The following SSH3 variants were observed in gnomAD, a reference collection of about 807,000 sequenced individuals.
SSH3 encodes protein phosphatase Slingshot homolog 3.
Under a neutral mutation model 75.0 loss-of-function variants are expected in SSH3, and 67 were observed. That is an observed-to-expected ratio of 0.89 (90% CI 0.73 to 1.10). The LOEUF (loss-of-function observed/expected upper bound fraction) is 1.10. SSH3 is among the 50% of genes least tolerant of loss of function. The probability of loss-of-function intolerance (pLI) is 0.00; values close to 1 mark genes in which losing one functional copy is unlikely to be tolerated. For missense variants in SSH3, 824 were observed against 872.7 expected (o/e 0.94, Z 0.70); for synonymous variants, 318 against 349.2 (o/e 0.91, Z 1.00).
chr11:67,311,539 C>A, intron 13 of SSH3, 52 bp from the exon 14 acceptor site: 1 of 1,605,266 alleles, frequency 6.2e-7, no homozygotes. Flanking sequence ...TGCTTGGGCA[C>A]CCCTGCCCCA....
chr11:67,305,839 C>T (rs768832376), intron 3 of SSH3, among the ~76,000 whole-genome samples: 4 of 152,138 alleles, frequency 2.6e-5, no homozygotes, highest in Non-Finnish European at 2.9e-5. Flanking sequence ...CTCAGCAAGA[C>T]GTGGCAAACA....
Position 67,306,888 on chromosome 11 carries a change from A to C in SSH3, c.390A>C (p.Val130=). The change falls in exon 4 of 14, where the codon GTA becomes GTC. Residue 130 remains valine, a synonymous_variant. Coordinates refer to ENST00000308127, the MANE Select transcript of SSH3 (RefSeq NM_017857.4). ...PRPPRLRYLL[V]VSTREGEGLS... is the part of the protein sequence containing the mutation. The stretch of plus-strand genomic sequence containing the variant: ...CTCCCCGGCTCCGCTACCTGCTGGT[A>C]GTTTCTACACGAGAAGGAGAAGGTC... The C allele has an allele frequency of 6.2e-7, 1 of 1,613,640 alleles. No individual in the cohort carries two copies. Among genetic ancestry groups the C allele is most frequent in the Non-Finnish European group, 8.5e-7 (1 of 1,179,682 alleles).
chr11:67,305,411 A>G (rs1281401668), intron 3 of SSH3, among the ~76,000 whole-genome samples: 1 of 151,986 alleles, frequency 6.6e-6, no homozygotes, highest in Non-Finnish European at 1.5e-5. Flanking sequence ...GGTGGTCTCA[A>G]TCTCCTGACC....
chr11:67,306,579 C>T lies in SSH3; in HGVS notation c.340-259C>T, dbSNP rs147679443. The stretch of plus-strand genomic sequence containing the variant: ...TGGTGCCACTGTACTCCAGCCTGGG[C>T]GACAGAGTGAGACCCTATCTCAAAA... On this transcript the variant is annotated intron_variant, in intron 3 of 13. Coordinates refer to ENST00000308127, the MANE Select transcript of SSH3 (RefSeq NM_017857.4). Among the ~76,000 whole-genome samples the T allele has an allele frequency of 3.4e-3, 521 of 152,220 alleles. 3 individuals carry two copies. Among genetic ancestry groups the T allele is most frequent in the African/African-American group, 0.012 (491 of 41,516 alleles).
chr11:67,309,292 C>T, intron 10 of SSH3, 105 bp from the exon 11 acceptor site: 1 of 1,434,848 alleles, frequency 7.0e-7, no homozygotes, highest in Non-Finnish European at 9.6e-7. Flanking sequence ...CTCCATCTGA[C>T]TTGAAACTCA....
At position 67,309,388 on chromosome 11, in the gene SSH3, C is replaced by T. The variant is rs776220995; in HGVS notation, c.1062-9C>T. The T allele has an allele frequency of 1.9e-6, 3 of 1,614,150 alleles. No individual in the cohort carries two copies. On this transcript the variant is annotated splice_polypyrimidine_tract_variant and intron_variant, in intron 10 of 13. Coordinates refer to ENST00000308127, the MANE Select transcript of SSH3 (RefSeq NM_017857.4). ...CCACATCAGCCTGGCCTTGGGCCCT[C>T]TGGGACAGGGTCACCCACATCTTGA...
Position 67,309,868 on chromosome 11 carries a change from G to C in SSH3, c.1309G>C (p.Glu437Gln). The C allele has an allele frequency of 1.2e-6, 2 of 1,612,874 alleles. No individual in the cohort carries two copies. ...CATGAAGCAGTACGAATGCAGCCTG[G>C]AGCAGGCCCTGCGCCACGTGCAGGA... ...YAMKQYECSL[E>Q]QALRHVQELR... Residue 437 changes from glutamate to glutamine, a missense_variant, in exon 12 of 14, where the codon GAG (glutamate) becomes CAG (glutamine). Transcript: ENST00000308127.
In SSH3 at chr11:67,307,922, AG is replaced by A; in HGVS notation, c.869del (p.Ser290MetfsTer70). On this transcript the variant is annotated frameshift_variant, in exon 8 of 14. Coordinates refer to ENST00000308127, the MANE Select transcript of SSH3 (RefSeq NM_017857.4). The surrounding 1 kb of genome is among the most constrained non-coding windows in gnomAD (Gnocchi z 4.2). ...WKVLDVSDLESVTSKEIRQAL... is the reference protein window; with the variant it reads ...WKVLDVSDLEXVTSKEIRQAL... ...AGTGTTGGATGTCAGTGACCTGGAG[AG>A]TGTCACTTCCAAAGAGGTGGGCAGG... 6.2e-7 allele frequency: 1 copy of A among 1,614,144 alleles called. No individual in the cohort carries two copies. Among genetic ancestry groups the A allele is most frequent in the Non-Finnish European group, 8.5e-7 (1 of 1,180,010 alleles).
chr11:67,310,032 C>G lies in SSH3; in HGVS notation c.1410-34C>G, dbSNP rs756527757. 6.8e-6 allele frequency: 11 copies of G among 1,609,682 alleles called. No individual in the cohort carries two copies. The East Asian group carries it at 2.2e-4, about 33-fold the overall frequency. On this transcript the variant is annotated intron_variant, in intron 12 of 13. Transcript: ENST00000308127. Reference sequence around the variant, plus strand: ...GGTTTGCTGGGGGTGGCTGCTGGGTCACTCAGAGCTGACTCAGGGCCACCT... The same window carrying G: ...GGTTTGCTGGGGGTGGCTGCTGGGTGACTCAGAGCTGACTCAGGGCCACCT...
chr11:67,308,089 G>C lies in SSH3; in HGVS notation c.886-85G>C, dbSNP rs887663350. ...CTAATCCATCTAGATGGGATAGGGT[G>C]CTGTCCTCAGAGGTCCCAGAGGGAA... On this transcript the variant is annotated intron_variant, in intron 8 of 13. Coordinates refer to ENST00000308127, the MANE Select transcript of SSH3 (RefSeq NM_017857.4). This position sits in a 1 kb window ranked among gnomAD's most constrained non-coding sequence, Gnocchi z 4.9. The C allele has an allele frequency of 1.2e-5, 19 of 1,586,436 alleles. No individual in the cohort carries two copies. The highest frequency in any genetic ancestry group is 1.5e-5 in the Non-Finnish European group (18 of 1,166,742).
chr11:67,307,996 T>C lies in SSH3; in HGVS notation c.885+57T>C. On this transcript the variant is annotated intron_variant, in intron 8 of 13. Coordinates refer to ENST00000308127, the MANE Select transcript of SSH3 (RefSeq NM_017857.4). This position sits in a 1 kb window ranked among gnomAD's most constrained non-coding sequence, Gnocchi z 4.2. Reference sequence around the variant, plus strand: ...CTAGCAGGGGCTGCAAGCTTGCCTTTCCTGGGAGCCCTCCCCACCTTGCCT... The same window carrying C: ...CTAGCAGGGGCTGCAAGCTTGCCTTCCCTGGGAGCCCTCCCCACCTTGCCT... 1 of 1,609,196 alleles carries C rather than the reference T, an allele frequency of 6.2e-7. No individual in the cohort carries two copies. The highest frequency in any genetic ancestry group is 8.5e-7 in the Non-Finnish European group (1 of 1,177,246).
At position 67,304,161 on chromosome 11, in the gene SSH3, C is replaced by A. The variant is rs1565087222; in HGVS notation, c.104+6C>A. 2.5e-6 allele frequency: 4 copies of A among 1,593,036 alleles called. No individual in the cohort carries two copies. The highest frequency in any genetic ancestry group is 3.4e-6 in the Non-Finnish European group (4 of 1,171,106). On this transcript the variant is annotated splice_donor_region_variant and intron_variant, in intron 2 of 13. Coordinates refer to ENST00000308127, the MANE Select transcript of SSH3 (RefSeq NM_017857.4). ...AGGAGTCGACTCCAGCGAAGGTGAGCGCCACCTCCCCCACGCAGACACTTC... is the reference window on the plus strand; with the variant it reads ...AGGAGTCGACTCCAGCGAAGGTGAGAGCCACCTCCCCCACGCAGACACTTC...
In SSH3 at chr11:67,310,067, C is replaced by T. The variant is rs368584264; in HGVS notation, c.1411C>T (p.Arg471Cys). 8.7e-6 allele frequency: 14 copies of T among 1,612,682 alleles called. No individual in the cohort carries two copies. Among genetic ancestry groups the T allele is most frequent in the African/African-American group, 1.3e-5 (1 of 75,042 alleles). ...QIYQGILTAS[R>C]QSHVWEQKVG... ...TGACTCAGGGCCACCTCCTCACAGC[C>T]GCCAGAGCCATGTCTGGGAGCAGAA... is the stretch of plus-strand genomic sequence containing the variant. The change falls in exon 13 of 14, where the codon CGC becomes TGC. Residue 471 changes from arginine to cysteine, a missense_variant and splice_region_variant. Transcript: ENST00000308127.
chr11:67,310,358 G>A lies in SSH3; in HGVS notation c.1683+19G>A, dbSNP rs1373277323. On this transcript the variant is annotated intron_variant, in intron 13 of 13. Transcript: ENST00000308127. ...GCCAGAGGTGAGGCTGGGGCTGGGG[G>A]AGCTCAGCTTGCAGGGGTGGGGGCC... The A allele has an allele frequency of 6.3e-7, 1 of 1,587,996 alleles. No individual in the cohort carries two copies. Among genetic ancestry groups the A allele is most frequent in the South Asian group, 1.1e-5 (1 of 87,642 alleles).
Position 67,308,196 on chromosome 11 carries a change from G to A in SSH3, c.908G>A (p.Arg303His), listed in dbSNP as rs773671546. 32 of 1,613,744 alleles carry A rather than the reference G, an allele frequency of 2.0e-5. No individual in the cohort carries two copies. The highest frequency in any genetic ancestry group is 2.5e-5 in the Non-Finnish European group (29 of 1,180,024). Residue 303 changes from arginine (R) to histidine (H), a missense_variant, in exon 9 of 14, where the codon CGC (arginine) becomes CAC (histidine). Transcript: ENST00000308127. This position sits in a 1 kb window ranked among gnomAD's most constrained non-coding sequence, Gnocchi z 4.9. ...CAGATCCGCCAGGCTCTGGAGCTGC[G>A]CCTGGGGCTCCCCCTCCAGCAGTAC... ...SKEIRQALELRLGLPLQQYRD... is the reference protein window; with the variant it reads ...SKEIRQALELHLGLPLQQYRD...
chr11:67,305,472 G>A (rs1861215932), intron 3 of SSH3, among the ~76,000 whole-genome samples: 1 of 152,222 alleles, frequency 6.6e-6, no homozygotes, highest in South Asian at 2.1e-4. Flanking sequence ...ACAGGCGTGA[G>A]CCACCGCGCC....
Position 67,307,767 on chromosome 11 carries a change from G to C in SSH3, c.791+30G>C, listed in dbSNP as rs771474759. 8 of 1,613,758 alleles carry C rather than the reference G, an allele frequency of 5.0e-6. No homozygotes were observed. Among genetic ancestry groups the C allele is most frequent in the Non-Finnish European group, 6.8e-6 (8 of 1,179,978 alleles). On this transcript the variant is annotated intron_variant, in intron 7 of 13. Transcript: ENST00000308127. This position sits in a 1 kb window ranked among gnomAD's most constrained non-coding sequence, Gnocchi z 4.2. Reference sequence around the variant, plus strand: ...GTGTGTGGAGGGGAGGGACTGGGTGGAGGGGAAGGCAGGATAATGCAGTGG... The same window carrying C: ...GTGTGTGGAGGGGAGGGACTGGGTGCAGGGGAAGGCAGGATAATGCAGTGG...
At chr11:67,310,943 G>A (rs974823303) in intron 13 of SSH3, among the ~76,000 whole-genome samples, 15 of 152,318 alleles carry the variant, frequency 9.8e-5, no homozygotes, top group Admixed American at 3.9e-4. Flanking sequence ...GCGCACTCAC[G>A]CCGCCCAAGT....
At chr11:67,310,945 C>T (rs1029496854) in intron 13 of SSH3, among the ~76,000 whole-genome samples, 1 of 152,202 alleles carries the variant, frequency 6.6e-6, no homozygotes, top group Non-Finnish European at 1.5e-5. Context: ...GCACTCACGC[C>T]GCCCAAGTCC....
Sources: allele counts gnomAD v4.1 joint callset (sites outside exome capture counted in the v4.1 genomes callset), GRCh38; gene constraint gnomAD v4.1.1; non-coding constraint Gnocchi (gnomAD v3.1); transcripts MANE v1.5; gene names NCBI Gene and HGNC (gene_info 2026-07-23, HGNC 2026-07-21).